CHD9: variants seen among roughly 807,000 people sequenced by gnomAD.
CHD9 encodes the protein ATP-dependent chromatin remodeler CHD9.
In CHD9, 77 loss-of-function variants were observed where a neutral mutation model predicts 316.1. The observed-to-expected ratio is 0.24, with a 90% CI of 0.20 to 0.29. CHD9 has a LOEUF of 0.29. Among genes scored for constraint, CHD9 ranks in the 10% least tolerant of loss-of-function variants. The probability of loss-of-function intolerance (pLI) is 1.00; values close to 1 mark genes in which losing one functional copy is unlikely to be tolerated. For missense variants in CHD9, 2,763 were observed against 3,438.1 expected (o/e 0.80, Z 4.91); for synonymous variants, 1,129 against 1,158.3 (o/e 0.97, Z 0.51).
chr16:53,236,509 A>G (rs2048632690), intron 11 of CHD9, among the ~76,000 whole-genome samples: 1 of 151,900 alleles, frequency 6.6e-6, no homozygotes, highest in South Asian at 2.1e-4. Flanking sequence ...ATCCCTGAAG[A>G]CTATTGCCAT....
rs577124372 is a variant in CHD9 at position 53,149,836 on chromosome 16, G to A, written c.-164-6090G>A. On this transcript the variant is annotated intron_variant, in intron 1 of 38. Coordinates refer to ENST00000447540, the MANE Select transcript of CHD9 (RefSeq NM_001308319.2). ...CAGCCTCCCAAAGTGCTGGGATTGT[G>A]GCAGGTATGAGTCACCGTGCAAGGC... 4.6e-5 allele frequency among the ~76,000 whole-genome samples: 7 copies of A among 151,562 alleles called. No homozygotes were observed. In the South Asian group the frequency reaches 1.0e-3, roughly 23 times the overall value.
intron 1 of CHD9, among the ~76,000 whole-genome samples, chr16:53,098,961 T>G (rs2036608363): frequency 6.6e-6 from 1 of 152,182 alleles, no homozygotes; most frequent in African/African-American, 2.4e-5. Context: ...GGCAGGAGGC[T>G]GATTTAATAA....
chr16:53,322,808 G>A (rs2057362951), intron 38 of CHD9, among the ~76,000 whole-genome samples: 1 of 152,062 alleles, frequency 6.6e-6, no homozygotes, highest in Non-Finnish European at 1.5e-5. Context: ...TTCAGAAAGG[G>A]AGGTGGGGGG....
chr16:53,184,206 G>C (rs754652755), intron 2 of CHD9, among the ~76,000 whole-genome samples: 2 of 151,992 alleles, frequency 1.3e-5, no homozygotes, highest in Non-Finnish European at 2.9e-5. Flanking sequence ...TTTTTTGAGT[G>C]CCTATTATGT....
intron 1 of CHD9, 128 bp from the exon 2 acceptor site, chr16:53,155,798 A>G (rs1293592234): frequency 3.2e-6 from 1 of 317,378 alleles, no homozygotes; most frequent in African/African-American, 2.2e-5. Context: ...ATATAAATCG[A>G]GTCATATAAT....
intron 19 of CHD9, among the ~76,000 whole-genome samples, 185 bp from the exon 20 acceptor site, chr16:53,262,802 C>A (rs2051279693): frequency 6.6e-6 from 1 of 152,206 alleles, no homozygotes; most frequent in Admixed American, 6.5e-5. Flanking sequence ...AAACTTCAGC[C>A]TGTGTTTGCA....
intron 19 of CHD9, 120 bp downstream of exon 19, chr16:53,255,899 G>A (rs1279816355): frequency 2.2e-6 from 2 of 892,198 alleles, no homozygotes; most frequent in Admixed American, 4.8e-5. Context: ...GATGCAGTAG[G>A]TAATGTATTT....
intron 38 of CHD9, among the ~76,000 whole-genome samples, chr16:53,322,038 C>A (rs145491052): frequency 2.9e-4 from 44 of 149,754 alleles, no homozygotes; most frequent in Non-Finnish European, 5.6e-4. Flanking sequence ...CTCTCTGTCA[C>A]CCAGGCTGGA....
chr16:53,130,803 T>TGGAGCCGCGGCA (rs1347174862), intron 1 of CHD9: 3 of 151,722 alleles, frequency 2.0e-5, no homozygotes, highest in East Asian at 2.0e-4. Context: ...CCGACGCGGC[T>TGGAGCCGCGGCA]GGAGCCGCGG....
intron 2 of CHD9, among the ~76,000 whole-genome samples, chr16:53,162,958 A>C (rs2042022405): frequency 6.6e-6 from 1 of 151,708 alleles, no homozygotes; most frequent in Non-Finnish European, 1.5e-5. Context: ...TTTTGTGGAG[A>C]CAAGGTCTCA....
At chr16:53,315,073 A>G (rs1392886227) in intron 36 of CHD9, 29 bp downstream of exon 36, 1 of 1,520,442 alleles carries the variant, frequency 6.6e-7, no homozygotes, top group African/African-American at 1.4e-5. Flanking sequence ...TTCTTGTTAT[A>G]TTTTATTTTT....
intron 2 of CHD9, among the ~76,000 whole-genome samples, chr16:53,181,353 T>G (rs2043504832): frequency 6.6e-6 from 1 of 152,056 alleles, no homozygotes; most frequent in South Asian, 2.1e-4. Flanking sequence ...TTTTAACTTT[T>G]GATTGAAGGT....
intron 24 of CHD9, among the ~76,000 whole-genome samples, chr16:53,283,548 A>G (rs1299543570): frequency 2.6e-5 from 4 of 152,116 alleles, no homozygotes; most frequent in African/African-American, 9.7e-5. Context: ...TGGCAAAGGG[A>G]GCTATCTGAC....
chr16:53,128,063 A>C (rs1201567450), intron 1 of CHD9, among the ~76,000 whole-genome samples: 1 of 151,980 alleles, frequency 6.6e-6, no homozygotes, highest in Non-Finnish European at 1.5e-5. Context: ...CTATTGTAGG[A>C]TGTTTCTTTC....
intron 1 of CHD9, among the ~76,000 whole-genome samples, chr16:53,140,468 T>C (rs961686395): frequency 6.6e-6 from 1 of 151,984 alleles, no homozygotes; most frequent in Non-Finnish European, 1.5e-5. Context: ...GGGTGTAATG[T>C]TCAGGACCAC....
intron 17 of CHD9, 98 bp downstream of exon 17, chr16:53,250,164 A>G: frequency 1.4e-6 from 1 of 728,288 alleles, no homozygotes; most frequent in South Asian, 1.9e-5. Context: ...ATCTGGACAA[A>G]CTAATGTATG....
chr16:53,177,916 A>G (rs2043194921), intron 2 of CHD9, among the ~76,000 whole-genome samples: 1 of 152,188 alleles, frequency 6.6e-6, no homozygotes, highest in Non-Finnish European at 1.5e-5. Flanking sequence ...CTAAACCCCA[A>G]GAGGCCTCAT....
intron 2 of CHD9, among the ~76,000 whole-genome samples, chr16:53,206,598 A>G (rs146348736): frequency 6.6e-6 from 1 of 152,270 alleles, no homozygotes; most frequent in Non-Finnish European, 1.5e-5. Flanking sequence ...ATCCCCCAGT[A>G]TCCTCATATA....
rs761617690 is a variant in CHD9, at chr16:53,245,322, C to G, written c.3055-14C>G. 6.7e-7 allele frequency: 1 copy of G among 1,497,724 alleles called. No homozygotes were observed. The highest frequency in any genetic ancestry group is 2.4e-5 in the East Asian group (1 of 41,034). 92.8% of individuals were successfully genotyped at this position (1,497,724 alleles called of 1,614,324 possible). ...ACTGTGATGTTTGATGTGAATTGTT[C>G]TCACTTTTTGTAGGAACACAAGGTG... On this transcript the variant is annotated splice_polypyrimidine_tract_variant and intron_variant, in intron 13 of 38. Transcript: ENST00000447540. The surrounding 1 kb of genome is among the most constrained non-coding windows in gnomAD (Gnocchi z 4.1).
Sources: gnomAD v4.1 joint callset for allele counts (sites outside exome capture counted in the v4.1 genomes callset) on GRCh38, gnomAD v4.1.1 for gene constraint, Gnocchi (gnomAD v3.1) non-coding constraint, MANE v1.5 for transcripts, NCBI Gene and HGNC (gene_info 2026-07-23, HGNC 2026-07-21) for gene names.